Variants in RADIL observed in about 807,000 individuals in gnomAD.
The protein encoded by RADIL is ras-associating and dilute domain-containing protein.
In RADIL, 99 loss-of-function variants were observed where a neutral mutation model predicts 97.6. The observed-to-expected ratio is 1.01, with a 90% CI of 0.86 to 1.20. RADIL has a LOEUF of 1.20. Among genes scored for constraint, RADIL ranks in the 50% most tolerant of loss-of-function variants. The pLI is 0.00. For synonymous variants in RADIL, 803 were observed against 691.8 expected, an observed-to-expected ratio of 1.16 and a Z score of -2.52; for missense variants, 1,765 against 1,498.9, an observed-to-expected ratio of 1.18 and a Z score of -2.93.
Position 4,842,401 on chromosome 7 carries a change from C to T in RADIL, c.536-5796G>A, listed in dbSNP as rs1783461590. 6.6e-6 allele frequency among the ~76,000 whole-genome samples: 1 copy of T among 152,166 alleles called. No individual in the cohort carries two copies. The highest frequency in any genetic ancestry group is 1.5e-5 in the Non-Finnish European group (1 of 68,020). On this transcript the variant is annotated intron_variant, in intron 2 of 14. Transcript: ENST00000399583. This position sits in a 1 kb window ranked among gnomAD's most constrained non-coding sequence, Gnocchi z 4.5. ...AGAAACTCACTCCTGGAGGAAGCGG[C>T]GAGGGAGACAGCATGCAGCCACAGC...
At chr7:4,871,824 G>A (rs1197964750) in intron 2 of RADIL, among the ~76,000 whole-genome samples, 2 of 152,210 alleles carry the variant, frequency 1.3e-5, no homozygotes, top group African/African-American at 4.8e-5. Flanking sequence ...GACATTGGAT[G>A]GGCTGTTTTT....
intron 9 of RADIL, among the ~76,000 whole-genome samples, chr7:4,812,508 G>GC (rs1562432338): frequency 6.6e-6 from 1 of 151,820 alleles, no homozygotes; most frequent in Admixed American, 6.6e-5. Flanking sequence ...TGCAGCCTCT[G>GC]CCCCCCAGGT....
chr7:4,860,769 T>C (rs185455014), intron 2 of RADIL: 13 of 1,614,218 alleles, frequency 8.1e-6, no homozygotes, highest in Admixed American at 1.7e-5. Flanking sequence ...TCGTGTGTGA[T>C]AGCAAGCCCC....
chr7:4,799,151 T>A lies in RADIL; in HGVS notation c.*227A>T. ...ATTGAACCGTACTTCTCCATTGAAG[T>A]CTTTAAACATAAAAGCTCTGTAACA... On this transcript the variant is annotated 3_prime_UTR_variant, in exon 15 of 15. Coordinates refer to ENST00000399583, the MANE Select transcript of RADIL (RefSeq NM_018059.5). 1 of 563,624 alleles carries A rather than the reference T, an allele frequency of 1.8e-6. No individual in the cohort carries two copies. Among genetic ancestry groups the A allele is most frequent in the East Asian group, 3.0e-5 (1 of 33,598 alleles). The allele number at this position is 563,624 out of a possible 1,614,324, so 34.9% of individuals were successfully genotyped here. A position where few individuals can be genotyped will look rare whatever the true frequency, so the allele number is the denominator to read the frequency against.
intron 2 of RADIL, chr7:4,860,845 T>A: frequency 6.2e-7 from 1 of 1,614,142 alleles, no homozygotes; most frequent in Non-Finnish European, 8.5e-7. Flanking sequence ...AGTTCTGCTG[T>A]GGGTATGCTG....
chr7:4,852,127 C>G (rs1254252349), intron 2 of RADIL, among the ~76,000 whole-genome samples: 1 of 152,174 alleles, frequency 6.6e-6, no homozygotes, highest in Middle Eastern at 3.2e-3. Flanking sequence ...ATCCGGCCCA[C>G]AGGCTCTTCA....
chr7:4,803,899 T>C (rs757889879), intron 10 of RADIL, 145 bp from the exon 11 acceptor site: 1 of 778,500 alleles, frequency 1.3e-6, no homozygotes, highest in Middle Eastern at 2.2e-4. Context: ...GCTGGGATCC[T>C]GGCCACAGTG....
Position 4,807,616 on chromosome 7 carries a change from TCC to T in RADIL, c.2140-1902_2140-1901del, listed in dbSNP as rs573021857. Among the ~76,000 whole-genome samples, 35 of 54,362 alleles carry T rather than the reference TCC, an allele frequency of 6.4e-4. 1 individual carries two copies. The highest frequency in any genetic ancestry group is 1.3e-3 in the Admixed American group (6 of 4,666). The allele number at this position is 54,362 out of a possible 152,430, so 35.7% of individuals were successfully genotyped here. ...CCTCCCTCCTCCCTCTCCTTCTCTC[TCC>T]CCCCGTCTCCCCTCCCTCCTCCCGC... On this transcript the variant is annotated intron_variant, in intron 9 of 14. Coordinates refer to ENST00000399583, the MANE Select transcript of RADIL (RefSeq NM_018059.5).
intron 11 of RADIL, 145 bp downstream of exon 11, chr7:4,803,401 G>T: frequency 1.5e-6 from 1 of 666,224 alleles, no homozygotes; most frequent in South Asian, 2.1e-5. Context: ...GGCACCTCGG[G>T]GCACACTGGC....
chr7:4,823,193 C>T (rs1473123510), intron 5 of RADIL, among the ~76,000 whole-genome samples: 7 of 152,094 alleles, frequency 4.6e-5, no homozygotes, highest in South Asian at 4.1e-4. Flanking sequence ...TGGTGGCTCA[C>T]GCCTGTAATC....
rs1226879720 is a variant in RADIL, at chr7:4,815,213, C to T, written c.2139+65G>A. 1.4e-6 allele frequency: 2 copies of T among 1,445,870 alleles called. No individual in the cohort carries two copies. Among genetic ancestry groups the T allele is most frequent in the Non-Finnish European group, 1.8e-6 (2 of 1,093,814 alleles). 89.6% of individuals were successfully genotyped at this position (1,445,870 alleles called of 1,614,324 possible). ...CCGGCCCCCAGGCTTGGTTTGTGAG[C>T]CAGGGACCCACAGCATGTGGCCCCG... is the stretch of plus-strand genomic sequence containing the variant. On this transcript the variant is annotated intron_variant, in intron 9 of 14. Transcript: ENST00000399583. This position sits in a 1 kb window ranked among gnomAD's most constrained non-coding sequence, Gnocchi z 8.0.
intron 9 of RADIL, chr7:4,808,840 G>T (rs1298191720): frequency 1.1e-6 from 1 of 906,012 alleles, no homozygotes; most frequent in Non-Finnish European, 1.3e-6. Flanking sequence ...GCCCCTCCGC[G>T]TCTCCTTCCA....
chr7:4,822,193 C>A lies in RADIL; in HGVS notation c.1615+201G>T, dbSNP rs554439472. On this transcript the variant is annotated intron_variant, in intron 6 of 14. Coordinates refer to ENST00000399583, the MANE Select transcript of RADIL (RefSeq NM_018059.5). This position sits in a 1 kb window ranked among gnomAD's most constrained non-coding sequence, Gnocchi z 5.3. ...GCCAAGGTGCTGTGGGGGGAGGTGC[C>A]AGACTGGCCCGTGCCACCAGCACCA... is the stretch of plus-strand genomic sequence containing the variant. Among the ~76,000 whole-genome samples the A allele has an allele frequency of 1.3e-5, 2 of 152,260 alleles. No individual in the cohort carries two copies. The highest frequency in any genetic ancestry group is 1.3e-4 in the Admixed American group (2 of 15,294).
At chr7:4,833,938 C>T (rs865972700) in intron 4 of RADIL, among the ~76,000 whole-genome samples, 6 of 152,140 alleles carry the variant, frequency 3.9e-5, no homozygotes, top group Non-Finnish European at 5.9e-5. Context: ...TGTGGCGGGG[C>T]GGCAGAGGGT....
In RADIL at chr7:4,822,201, C is replaced by T. The variant is rs995204406; in HGVS notation, c.1615+193G>A. On this transcript the variant is annotated intron_variant, in intron 6 of 14. Transcript: ENST00000399583. The surrounding 1 kb of genome is among the most constrained non-coding windows in gnomAD (Gnocchi z 5.3). The stretch of plus-strand genomic sequence containing the variant: ...GCTGTGGGGGGAGGTGCCAGACTGG[C>T]CCGTGCCACCAGCACCAGCCTCACA... Among the ~76,000 whole-genome samples the T allele has an allele frequency of 3.3e-5, 5 of 152,162 alleles. No individual in the cohort carries two copies. Among genetic ancestry groups the T allele is most frequent in the Non-Finnish European group, 5.9e-5 (4 of 68,028 alleles).
Position 4,800,262 on chromosome 7 carries a change from C to A in RADIL, c.2891G>T (p.Arg964Leu). 5 of 1,548,930 alleles carry A rather than the reference C, an allele frequency of 3.2e-6. No homozygotes were observed. The highest frequency in any genetic ancestry group is 3.5e-6 in the Non-Finnish European group (4 of 1,150,544). Residue 964 changes from arginine to leucine, a missense_variant, in exon 13 of 15, where the codon CGC (arginine) becomes CTC (leucine). Coordinates refer to ENST00000399583, the MANE Select transcript of RADIL (RefSeq NM_018059.5). Reference sequence around the variant, plus strand: ...GCAGAAGTCCTCGGTGCTGGAGCTGCGGCTGGACGGGGCTGGAGGGGACTC... The same window carrying A: ...GCAGAAGTCCTCGGTGCTGGAGCTGAGGCTGGACGGGGCTGGAGGGGACTC... ...AEESPPAPSS[R>L]SSSTEDFCYV... is the part of the protein sequence containing the mutation.
chr7:4,804,534 C>T, intron 10 of RADIL, among the ~76,000 whole-genome samples: 1 of 152,366 alleles, frequency 6.6e-6, no homozygotes, highest in Middle Eastern at 3.4e-3. Context: ...CGCCTGTAAT[C>T]CCAGCACTTT....
rs1363326979 is a variant in RADIL at position 4,840,947 on chromosome 7, A to C, written c.536-4342T>G. ...GCACCACTGCACTCCAGCCTGGGTGACAGAGCGAGACTCCGTCTCAAAACA... is the reference window on the plus strand; with the variant it reads ...GCACCACTGCACTCCAGCCTGGGTGCCAGAGCGAGACTCCGTCTCAAAACA... On this transcript the variant is annotated intron_variant, in intron 2 of 14. Transcript: ENST00000399583. The surrounding 1 kb of genome is among the most constrained non-coding windows in gnomAD (Gnocchi z 5.6). Among the ~76,000 whole-genome samples the C allele has an allele frequency of 1.3e-5, 2 of 152,248 alleles. No homozygotes were observed. The highest frequency in any genetic ancestry group is 2.9e-5 in the Non-Finnish European group (2 of 68,050).
intron 12 of RADIL, among the ~76,000 whole-genome samples, chr7:4,800,903 G>A (rs112077535): frequency 0.02 from 3,015 of 152,270 alleles, 109 homozygotes; most frequent in African/African-American, 0.069. Flanking sequence ...CTCTGCACAC[G>A]CACCCAGGAC....
Sources: allele counts gnomAD v4.1 joint callset (sites outside exome capture counted in the v4.1 genomes callset), GRCh38; gene constraint gnomAD v4.1.1; non-coding constraint Gnocchi (gnomAD v3.1); transcripts MANE v1.5; gene names NCBI Gene and HGNC (gene_info 2026-07-23, HGNC 2026-07-21).